The following BCLAF3 variants were observed in gnomAD, a reference collection of about 807,000 sequenced individuals.
BCLAF3 encodes BCLAF1 and THRAP3 family member 3.
A neutral mutation model predicts 51.2 loss-of-function variants in BCLAF3; 24 were observed. The ratio of observed to expected loss-of-function variants is 0.47; its 90% CI spans 0.34 to 0.66. The LOEUF (loss-of-function observed/expected upper bound fraction) is 0.66. Ranked by LOEUF, BCLAF3 falls within the 30% of genes least tolerant of loss-of-function variation. The probability of loss-of-function intolerance (pLI) is 0.01; values close to 1 mark genes in which losing one functional copy is unlikely to be tolerated. For missense variants in BCLAF3, 465 were observed against 525.1 expected (o/e 0.89, Z 1.12); for synonymous variants, 152 against 176.6 (o/e 0.86, Z 1.10).
rs780614101 is a variant in BCLAF3 at position 19,974,797 on chromosome X, G to A, written c.-34-4499C>T. On this transcript the variant is annotated intron_variant, in intron 1 of 11. Coordinates refer to ENST00000379682, the MANE Select transcript of BCLAF3 (RefSeq NM_001367774.2). ...CTCGGGAGGTTGAGGCAGGAGAATC[G>A]CTTGAACCCGGGGGGCGGAGGTTAC... 2.0e-4 allele frequency among the ~76,000 whole-genome samples: 22 copies of A among 110,778 alleles called. No homozygotes were observed. In the East Asian group the frequency reaches 5.7e-3, roughly 28 times the overall value.
intron 8 of BCLAF3, among the ~76,000 whole-genome samples, chrX:19,940,502 T>C (rs1313198604): frequency 9.0e-6 from 1 of 110,514 alleles, no homozygotes; most frequent in Non-Finnish European, 1.9e-5. Context: ...TTCCCACCTA[T>C]GAGTGAGAAT....
rs1236146692 is a variant in BCLAF3 at position 19,951,882 on chromosome X, T to C, written c.1630-1014A>G. Among the ~76,000 whole-genome samples the C allele has an allele frequency of 3.6e-5, 4 of 111,266 alleles. No individual in the cohort carries two copies. In the Admixed American group the frequency reaches 3.8e-4, roughly 11 times the overall value. ...GGTCGAGGCTGCAGTGAGCCATAAT[T>C]GCACCACTGTACTCCAGCCTGGGTG... On this transcript the variant is annotated intron_variant, in intron 7 of 11. Transcript: ENST00000379682.
chrX:19,921,895 C>T (rs1017776311), intron 11 of BCLAF3, among the ~76,000 whole-genome samples: 11 of 109,336 alleles, frequency 1.0e-4, no homozygotes, highest in African/African-American at 3.3e-4. Context: ...CCCAGCTACT[C>T]AGGAGGCTGA....
At chrX:19,939,421 AC>A in intron 8 of BCLAF3, among the ~76,000 whole-genome samples, 1 of 111,999 alleles carries the variant, frequency 8.9e-6, no homozygotes, top group Non-Finnish European at 1.9e-5. Flanking sequence ...CTACACCTCA[AC>A]AACAAAAATA....
intron 4 of BCLAF3, among the ~76,000 whole-genome samples, chrX:19,957,451 GA>G (rs1293212935): frequency 8.9e-6 from 1 of 112,161 alleles, no homozygotes; most frequent in Non-Finnish European, 1.9e-5. Flanking sequence ...TATTTAAATA[GA>G]ACTATACAAA....
chrX:19,940,505 G>C (rs1411024811), intron 8 of BCLAF3, among the ~76,000 whole-genome samples: 3 of 110,342 alleles, frequency 2.7e-5, no homozygotes, highest in African/African-American at 6.6e-5. Context: ...CCACCTATGA[G>C]TGAGAATATG....
intron 11 of BCLAF3, among the ~76,000 whole-genome samples, chrX:19,921,206 G>C (rs1488222618): frequency 2.7e-5 from 3 of 111,562 alleles, no homozygotes; most frequent in African/African-American, 9.8e-5. Context: ...GGTATGATAT[G>C]ATCTGTGTTT....
chrX:19,983,057 C>T (rs2148047426), intron 1 of BCLAF3, among the ~76,000 whole-genome samples: 1 of 103,767 alleles, frequency 9.6e-6, no homozygotes, highest in East Asian at 3.1e-4. Context: ...CAAGTTCAAG[C>T]GATTCCCGTG....
At chrX:19,990,492 G>A (rs1471377299) in intron 1 of BCLAF3, among the ~76,000 whole-genome samples, 1 of 113,864 alleles carries the variant, frequency 8.8e-6, no homozygotes, top group Admixed American at 9.2e-5. Context: ...TTCAGGCCCC[G>A]CAGGCGACGC....
intron 1 of BCLAF3, among the ~76,000 whole-genome samples, chrX:19,974,874 T>C (rs1238859800): frequency 9.0e-6 from 1 of 111,336 alleles, no homozygotes; most frequent in Non-Finnish European, 1.9e-5. Flanking sequence ...AGAGTGAGAC[T>C]GCATCTCAAA....
chrX:19,941,190 G>T (rs2071026491), intron 8 of BCLAF3, among the ~76,000 whole-genome samples: 1 of 108,405 alleles, frequency 9.2e-6, no homozygotes, highest in Non-Finnish European at 1.9e-5. Flanking sequence ...CAGATGAGTA[G>T]GTTGCGAAAA....
chrX:19,925,710 G>A (rs960195165), intron 11 of BCLAF3, among the ~76,000 whole-genome samples: 8 of 111,865 alleles, frequency 7.2e-5, no homozygotes, highest in East Asian at 2.8e-4. Flanking sequence ...TAAGGGAAAC[G>A]GAAAGCAACA....
chrX:19,947,081 A>G (rs1033529330), intron 8 of BCLAF3, among the ~76,000 whole-genome samples: 19 of 112,236 alleles, frequency 1.7e-4, no homozygotes, highest in Non-Finnish European at 2.6e-4. Flanking sequence ...CAGTAACTAG[A>G]ACAAAGAAAT....
At chrX:19,980,663 C>T (rs1441518871) in intron 1 of BCLAF3, among the ~76,000 whole-genome samples, 1 of 111,188 alleles carries the variant, frequency 9.0e-6, no homozygotes, top group Non-Finnish European at 1.9e-5. Context: ...ATTGGCTGGG[C>T]GTGGTGGCTC....
At chrX:19,921,213 G>A (rs2070147142) in intron 11 of BCLAF3, among the ~76,000 whole-genome samples, 1 of 111,643 alleles carries the variant, frequency 9.0e-6, no homozygotes, top group East Asian at 2.8e-4. Flanking sequence ...TATGATCTGT[G>A]TTTCAGGACA....
chrX:19,950,023 A>G (rs953001898), intron 8 of BCLAF3, among the ~76,000 whole-genome samples: 5 of 111,962 alleles, frequency 4.5e-5, no homozygotes, highest in Non-Finnish European at 7.5e-5. Flanking sequence ...AGGTTAAGAA[A>G]GAAAAATCTA....
intron 11 of BCLAF3, among the ~76,000 whole-genome samples, chrX:19,924,448 T>C (rs1402616725): frequency 9.0e-6 from 1 of 111,239 alleles, no homozygotes; most frequent in Non-Finnish European, 1.9e-5. Flanking sequence ...AACACTTCCT[T>C]TGCACCCTGG....
chrX:19,947,170 C>T (rs1163181914), intron 8 of BCLAF3, among the ~76,000 whole-genome samples: 1 of 112,185 alleles, frequency 8.9e-6, no homozygotes, highest in East Asian at 2.8e-4. Flanking sequence ...ATGACTACTG[C>T]AATAGCAAGA....
chrX:19,927,821 T>A (rs938429294), intron 11 of BCLAF3, among the ~76,000 whole-genome samples: 1 of 106,018 alleles, frequency 9.4e-6, no homozygotes, highest in Non-Finnish European at 1.9e-5. Flanking sequence ...TCATTTAAAA[T>A]ATAATTATTT....
Sources: allele counts gnomAD v4.1 joint callset (sites outside exome capture counted in the v4.1 genomes callset), GRCh38; gene constraint gnomAD v4.1.1; transcripts MANE v1.5; gene names NCBI Gene and HGNC (gene_info 2026-07-23, HGNC 2026-07-21).